Variants in MID1 observed in about 807,000 individuals in gnomAD.
MID1 encodes midline 1.
In MID1, 7 loss-of-function variants were observed where a neutral mutation model predicts 40.4. That is an observed-to-expected ratio of 0.17 (90% CI 0.10 to 0.33). The LOEUF (loss-of-function observed/expected upper bound fraction) is 0.33. Ranked by LOEUF, MID1 falls within the 10% of genes least tolerant of loss-of-function variation. The pLI is 1.00. For synonymous variants in MID1, 229 were observed against 221.2 expected (o/e 1.04, Z -0.31); for missense variants, 367 against 558.5 (o/e 0.66, Z 3.46).
intron 1 of MID1, among the ~76,000 whole-genome samples, chrX:10,751,337 A>G (rs2043597555): frequency 9.0e-6 from 1 of 110,925 alleles, no homozygotes; most frequent in African/African-American, 3.3e-5. Context: ...TCACTTAGAC[A>G]TTTCTTAAAA....
chrX:10,500,943 A>G (rs1232032128), intron 3 of MID1, among the ~76,000 whole-genome samples: 1 of 111,886 alleles, frequency 8.9e-6, no homozygotes, highest in Non-Finnish European at 1.9e-5. Flanking sequence ...AGTGGTGGGT[A>G]ATTACTGTCT....
intron 3 of MID1, among the ~76,000 whole-genome samples, chrX:10,516,609 T>TGC (rs367713528): frequency 0.019 from 979 of 50,288 alleles, 6 homozygotes; most frequent in Non-Finnish European, 0.024. Context: ...TGTGTGTGTG[T>TGC]GCGCGCGCGC....
chrX:10,626,158 A>G (rs1287975108), intron 1 of MID1, among the ~76,000 whole-genome samples: 1 of 110,966 alleles, frequency 9.0e-6, no homozygotes, highest in Non-Finnish European at 1.9e-5. Flanking sequence ...GATTTCTGAT[A>G]TAGATATTAT....
chrX:10,824,992 C>T (rs1360755456), intron 1 of MID1, among the ~76,000 whole-genome samples: 2 of 111,677 alleles, frequency 1.8e-5, no homozygotes, highest in Admixed American at 9.5e-5. Flanking sequence ...CTCTCCCACA[C>T]GTTTTTCTAT....
intron 1 of MID1, among the ~76,000 whole-genome samples, chrX:10,703,503 T>C (rs2043205828): frequency 9.0e-6 from 1 of 110,979 alleles, no homozygotes; most frequent in African/African-American, 3.3e-5. Flanking sequence ...CCATCACTAC[T>C]AAAAATACAA....
chrX:10,669,920 G>C (rs1555913925), intron 1 of MID1, among the ~76,000 whole-genome samples: 1 of 111,959 alleles, frequency 8.9e-6, no homozygotes, highest in South Asian at 3.7e-4. Flanking sequence ...CTAGTTTGCT[G>C]TTCCAAATGA....
At chrX:10,558,382 A>G (rs1357521867) in intron 2 of MID1, among the ~76,000 whole-genome samples, 1 of 112,291 alleles carries the variant, frequency 8.9e-6, no homozygotes, top group Non-Finnish European at 1.9e-5. Flanking sequence ...TTTATTGTCT[A>G]CTCAAAAGCA....
chrX:10,549,795 C>A (rs1933837948), intron 2 of MID1, among the ~76,000 whole-genome samples: 1 of 112,912 alleles, frequency 8.9e-6, no homozygotes. Flanking sequence ...CCCTGTGCAG[C>A]CAGGTTGAGA....
chrX:10,815,406 G>C (rs1293415330), intron 1 of MID1, among the ~76,000 whole-genome samples: 1 of 112,079 alleles, frequency 8.9e-6, no homozygotes, highest in Non-Finnish European at 1.9e-5. Flanking sequence ...GACAGAAGCA[G>C]CCAACGACAT....
chrX:10,628,587 T>C (rs1419075367), intron 1 of MID1, among the ~76,000 whole-genome samples: 5 of 111,863 alleles, frequency 4.5e-5, no homozygotes, highest in Non-Finnish European at 9.4e-5. Flanking sequence ...AAAAAGATAA[T>C]TTTGTTATGG....
chrX:10,623,224 C>T (rs1167085913), upstream of MID1, among the ~76,000 whole-genome samples: 1 of 102,056 alleles, frequency 9.8e-6, no homozygotes, highest in Non-Finnish European at 2.0e-5. Flanking sequence ...GCACTCCAGC[C>T]TGGGCGACAA....
intron 1 of MID1, among the ~76,000 whole-genome samples, chrX:10,613,871 A>T (rs1432769817): frequency 2.8e-5 from 3 of 105,819 alleles, no homozygotes; most frequent in Non-Finnish European, 5.8e-5. Flanking sequence ...AACCTATGCT[A>T]ATTTTCTCTA....
chrX:10,527,487 T>C (rs146225548), intron 2 of MID1, among the ~76,000 whole-genome samples: 1,309 of 112,104 alleles, frequency 0.012, 8 homozygotes, highest in Non-Finnish European at 0.019. Context: ...GTTGAAATTA[T>C]GAATTAGAAG....
intron 1 of MID1, among the ~76,000 whole-genome samples, chrX:10,795,050 T>A (rs973023932): frequency 8.9e-6 from 1 of 111,802 alleles, no homozygotes; most frequent in South Asian, 3.8e-4. Context: ...GATAATTCTC[T>A]GTGTCTGGGC....
At chrX:10,786,822 T>TG (rs1555924591) in intron 1 of MID1, among the ~76,000 whole-genome samples, 2 of 19,871 alleles carry the variant, frequency 1.0e-4, no homozygotes, top group Non-Finnish European at 1.7e-4. Flanking sequence ...TGTTGTGGGG[T>TG]GGGGGGAGGG....
intron 1 of MID1, among the ~76,000 whole-genome samples, chrX:10,712,812 G>C (rs1159343801): frequency 9.0e-6 from 1 of 111,359 alleles, no homozygotes; most frequent in African/African-American, 3.3e-5. Flanking sequence ...TGTTCACTAT[G>C]CTTTATTTAT....
intron 1 of MID1, among the ~76,000 whole-genome samples, chrX:10,715,109 C>T (rs1313325613): frequency 8.9e-6 from 1 of 112,050 alleles, no homozygotes; most frequent in Admixed American, 9.4e-5. Flanking sequence ...TCTACAGCTC[C>T]CAGCATGAGC....
chrX:10,594,320 T>A (rs765540165), intron 1 of MID1, among the ~76,000 whole-genome samples: 15 of 111,811 alleles, frequency 1.3e-4, no homozygotes, highest in Admixed American at 3.8e-4. Context: ...TGTCCTTCTA[T>A]CTGTACTGTC....
intron 2 of MID1, among the ~76,000 whole-genome samples, chrX:10,547,605 A>AGGGAGGGGGGG (rs1933739715): frequency 1.0e-5 from 1 of 95,451 alleles, no homozygotes; most frequent in African/African-American, 4.7e-5. Context: ...GGAAGGAAAG[A>AGGGAGGGGGGG]AGGGAGGGTA....
Sources: allele counts gnomAD v4.1 joint callset (sites outside exome capture counted in the v4.1 genomes callset), GRCh38; gene constraint gnomAD v4.1.1; transcripts MANE v1.5; gene names NCBI Gene and HGNC (gene_info 2026-07-23, HGNC 2026-07-21).